The following ZNF804B variants were observed in gnomAD, a reference collection of about 807,000 sequenced individuals.
The protein encoded by ZNF804B is zinc finger protein 804B, also known as zinc finger 804B.
In ZNF804B, 80 loss-of-function variants were observed where a neutral mutation model predicts 101.4. That is an observed-to-expected ratio of 0.79 (90% confidence interval 0.66 to 0.95). The LOEUF is 0.95. Ranked by LOEUF, ZNF804B falls within the 40% of genes least tolerant of loss-of-function variation. The pLI is 0.00. For missense variants in ZNF804B, 1,673 were observed against 1,561.9 expected, an observed-to-expected ratio of 1.07 and a Z score of -1.20; for synonymous variants, 622 against 558.8, an observed-to-expected ratio of 1.11 and a Z score of -1.59.
intron 1 of ZNF804B, among the ~76,000 whole-genome samples, chr7:89,058,235 T>C: frequency 6.6e-6 from 1 of 152,126 alleles, no homozygotes; most frequent in East Asian, 1.9e-4. Context: ...TGGGGATATT[T>C]TGAAACTGCT....
At chr7:88,966,500 C>T (rs1793456820) in intron 1 of ZNF804B, among the ~76,000 whole-genome samples, 1 of 151,504 alleles carries the variant, frequency 6.6e-6, no homozygotes, top group Non-Finnish European at 1.5e-5. Flanking sequence ...CAGTGCTCTT[C>T]CTCCAGTTAA....
At chr7:88,854,545 T>TTCCTTCCCTTCCCTTCCCTTC (rs1554340277) in intron 1 of ZNF804B, among the ~76,000 whole-genome samples, 1 of 100,478 alleles carries the variant, frequency 1.0e-5, no homozygotes, top group East Asian at 4.1e-4. Flanking sequence ...CTTCCTTCCT[T>TTCCTTCCCTTCCCTTCCCTTC]CCTTCCTTCC....
At chr7:88,872,130 G>T (rs1269786860) in intron 1 of ZNF804B, among the ~76,000 whole-genome samples, 1 of 152,176 alleles carries the variant, frequency 6.6e-6, no homozygotes, top group South Asian at 2.1e-4. Flanking sequence ...TGTCTCAGGG[G>T]AACTTAACTG....
At position 88,761,567 on chromosome 7, in the gene ZNF804B, TA is replaced by T. The variant is rs567267242; in HGVS notation, c.108+1486del. Among the ~76,000 whole-genome samples, 72 of 152,326 alleles carry T rather than the reference TA, an allele frequency of 4.7e-4. 1 individual carries two copies. Among genetic ancestry groups the T allele is most frequent in the Middle Eastern group, 3.4e-3 (1 of 294 alleles). Reference sequence around the variant, plus strand: ...AGGAGAATCTTTCTTACAGCCAACTTAAATCCTTTAAATTCTTCTTTAAGTC... The same window carrying T: ...AGGAGAATCTTTCTTACAGCCAACTTAATCCTTTAAATTCTTCTTTAAGTC... On this transcript the variant is annotated intron_variant, in intron 1 of 3. Transcript: ENST00000333190.
rs760398588 is a variant in ZNF804B at position 89,333,446 on chromosome 7, A to G, written c.464A>G (p.Asn155Ser). The stretch of plus-strand genomic sequence containing the variant: ...CAGCAAGGAATTTTCCCCATTAAGA[A>G]TGGCAGAAAGGTATCATGCATGAAG... ...QLQQGIFPIK[N>S]GRKVSCMKSA... Residue 155 changes from asparagine to serine, a missense_variant, in exon 4 of 4, where the codon AAT becomes AGT. Physicochemically the swap from Asn to Ser is conservative, Grantham distance 46. Coordinates refer to ENST00000333190, the MANE Select transcript of ZNF804B (RefSeq NM_181646.5). 2.5e-6 allele frequency: 4 copies of G among 1,613,090 alleles called. No homozygotes were observed. The Admixed American group carries it at 6.7e-5, about 27-fold the overall frequency.
At chr7:89,224,375 G>A (rs879753928) in intron 2 of ZNF804B, among the ~76,000 whole-genome samples, 1 of 151,888 alleles carries the variant, frequency 6.6e-6, no homozygotes, top group Non-Finnish European at 1.5e-5. Context: ...ATCTCTACTT[G>A]CTCTGGATAA....
intron 2 of ZNF804B, among the ~76,000 whole-genome samples, chr7:89,310,257 G>T (rs553226799): frequency 3.9e-5 from 6 of 152,226 alleles, no homozygotes; most frequent in Non-Finnish European, 8.8e-5. Context: ...GGACTCCCTT[G>T]AGGAGGTGTA....
At chr7:89,124,551 A>C (rs1257834988) in intron 1 of ZNF804B, among the ~76,000 whole-genome samples, 2 of 152,198 alleles carry the variant, frequency 1.3e-5, no homozygotes, top group East Asian at 3.9e-4. Flanking sequence ...TAACAACCCC[A>C]TGAAATCAGT....
chr7:88,907,433 T>G (rs560807864), intron 1 of ZNF804B, among the ~76,000 whole-genome samples: 1 of 152,206 alleles, frequency 6.6e-6, no homozygotes, highest in African/African-American at 2.4e-5. Flanking sequence ...AAAAGTCATT[T>G]AGTTTTTGTA....
At chr7:89,003,933 G>A (rs1364312000) in intron 1 of ZNF804B, among the ~76,000 whole-genome samples, 1 of 151,542 alleles carries the variant, frequency 6.6e-6, no homozygotes, top group African/African-American at 2.4e-5. Flanking sequence ...TTCAGGAAGA[G>A]TAGTTTTGTA....
intron 1 of ZNF804B, among the ~76,000 whole-genome samples, chr7:89,205,586 A>G (rs1024304217): frequency 6.6e-6 from 1 of 152,190 alleles, no homozygotes; most frequent in Admixed American, 6.5e-5. Context: ...TAAAGCTCCA[A>G]AATGATCTCC....
At chr7:89,067,070 G>T (rs181204553) in intron 1 of ZNF804B, among the ~76,000 whole-genome samples, 1 of 151,978 alleles carries the variant, frequency 6.6e-6, no homozygotes, top group African/African-American at 2.4e-5. Flanking sequence ...ATCCAACACT[G>T]GTTACACTTG....
intron 2 of ZNF804B, among the ~76,000 whole-genome samples, chr7:89,276,221 G>T (rs1446020874): frequency 6.6e-6 from 1 of 151,740 alleles, no homozygotes; most frequent in Non-Finnish European, 1.5e-5. Flanking sequence ...TGCATGCTGG[G>T]CTTAGTACTT....
At chr7:88,809,555 C>G (rs922016537) in intron 1 of ZNF804B, among the ~76,000 whole-genome samples, 1 of 152,088 alleles carries the variant, frequency 6.6e-6, no homozygotes, top group Admixed American at 6.6e-5. Context: ...TTAAAATATG[C>G]TAGACTAATA....
At chr7:88,918,926 G>A (rs1234418682) in intron 1 of ZNF804B, among the ~76,000 whole-genome samples, 1 of 152,076 alleles carries the variant, frequency 6.6e-6, no homozygotes, top group East Asian at 1.9e-4. Flanking sequence ...AAAGGAATAT[G>A]TGTCCTTCAT....
chr7:88,844,026 C>A (rs1374788333), intron 1 of ZNF804B, among the ~76,000 whole-genome samples: 1 of 152,030 alleles, frequency 6.6e-6, no homozygotes, highest in South Asian at 2.1e-4. Flanking sequence ...ACATATAGAT[C>A]CTAACATGAC....
chr7:89,081,744 C>T (rs1314002768), intron 1 of ZNF804B, among the ~76,000 whole-genome samples: 1 of 151,756 alleles, frequency 6.6e-6, no homozygotes, highest in Admixed American at 6.6e-5. Flanking sequence ...TACTCCTTCC[C>T]ATGTCTATTG....
At chr7:88,997,072 T>C (rs757491279) in intron 1 of ZNF804B, among the ~76,000 whole-genome samples, 3 of 152,106 alleles carry the variant, frequency 2.0e-5, no homozygotes, top group Non-Finnish European at 4.4e-5. Context: ...TTTAAGGCAA[T>C]ATGTTTAACT....
intron 1 of ZNF804B, among the ~76,000 whole-genome samples, chr7:89,064,400 G>T (rs1191631063): frequency 6.6e-6 from 1 of 152,122 alleles, no homozygotes; most frequent in Non-Finnish European, 1.5e-5. Context: ...GTCTACCATA[G>T]TCGCTTTAGG....
Sources: allele counts gnomAD v4.1 joint callset (sites outside exome capture counted in the v4.1 genomes callset), GRCh38; gene constraint gnomAD v4.1.1; transcripts MANE v1.5; gene names NCBI Gene and HGNC (gene_info 2026-07-23, HGNC 2026-07-21).